PDSS2: variants seen among roughly 807,000 people sequenced by gnomAD.
PDSS2 encodes the protein all trans-polyprenyl-diphosphate synthase PDSS2.
Under a neutral mutation model 44.5 loss-of-function variants are expected in PDSS2, and 31 were observed. The ratio of observed to expected loss-of-function variants is 0.70; its 90% confidence interval spans 0.52 to 0.94. The LOEUF (loss-of-function observed/expected upper bound fraction) is 0.94. PDSS2 is among the 40% of genes least tolerant of loss of function. The probability of loss-of-function intolerance (pLI) is 0.00; values close to 1 mark genes in which losing one functional copy is unlikely to be tolerated. For synonymous variants in PDSS2, 157 were observed against 180.3 expected, an observed-to-expected ratio of 0.87 and a Z score of 1.03; for missense variants, 452 against 482.2, an observed-to-expected ratio of 0.94 and a Z score of 0.59.
chr6:107,326,828 G>C (rs1777562148), intron 2 of PDSS2, among the ~76,000 whole-genome samples: 1 of 151,522 alleles, frequency 6.6e-6, no homozygotes, highest in Admixed American at 6.6e-5. Context: ...CTACATTCTG[G>C]GTGACAGAGC....
At chr6:107,168,245 C>T (rs1408979106) in intron 7 of PDSS2, among the ~76,000 whole-genome samples, 1 of 152,078 alleles carries the variant, frequency 6.6e-6, no homozygotes, top group African/African-American at 2.4e-5. Flanking sequence ...CCTTCTTTGT[C>T]TCTTTTGATC....
intron 6 of PDSS2, among the ~76,000 whole-genome samples, chr6:107,208,584 A>G (rs1359097287): frequency 2.7e-5 from 4 of 147,552 alleles, no homozygotes; most frequent in African/African-American, 1.0e-4. Context: ...GATTACAGAC[A>G]TGAGCCACCA....
intron 1 of PDSS2, among the ~76,000 whole-genome samples, chr6:107,376,917 C>T (rs1229623125): frequency 6.6e-6 from 1 of 151,920 alleles, no homozygotes; most frequent in Admixed American, 6.6e-5. Flanking sequence ...AAATGTTAGA[C>T]CTAAAGCCAT....
intron 1 of PDSS2, among the ~76,000 whole-genome samples, chr6:107,389,832 C>CA (rs149550810): frequency 0.14 from 20,649 of 151,466 alleles, 1,570 homozygotes; most frequent in East Asian, 0.25. Flanking sequence ...AACAAACAAA[C>CA]AAAAAAAACC....
intron 2 of PDSS2, among the ~76,000 whole-genome samples, chr6:107,304,967 T>C (rs988599428): frequency 4.6e-5 from 7 of 151,268 alleles, no homozygotes; most frequent in Non-Finnish European, 1.0e-4. Flanking sequence ...GCTCCTCCAG[T>C]CCCCTCTTTA....
At chr6:107,304,897 C>A (rs1219915421) in intron 2 of PDSS2, among the ~76,000 whole-genome samples, 3 of 151,670 alleles carry the variant, frequency 2.0e-5, no homozygotes, top group Non-Finnish European at 4.4e-5. Context: ...GGGCTTGGCA[C>A]AGACCACAGA....
chr6:107,403,129 G>A (rs769081783), intron 1 of PDSS2, among the ~76,000 whole-genome samples: 1 of 152,184 alleles, frequency 6.6e-6, no homozygotes, highest in Non-Finnish European at 1.5e-5. Flanking sequence ...GACACAATGG[G>A]AGTACAGGCA....
At chr6:107,439,494 A>T (rs1419268322) in intron 1 of PDSS2, among the ~76,000 whole-genome samples, 2 of 152,074 alleles carry the variant, frequency 1.3e-5, no homozygotes, top group African/African-American at 4.8e-5. Flanking sequence ...CTCAAACTAC[A>T]CCTATGGCTT....
intron 6 of PDSS2, among the ~76,000 whole-genome samples, chr6:107,202,658 C>A (rs1051422332): frequency 1.3e-4 from 20 of 152,094 alleles, no homozygotes; most frequent in Admixed American, 1.3e-3. Flanking sequence ...AAGGCATGTG[C>A]AAGGAAGTTA....
At chr6:107,167,437 A>G (rs1439073875) in intron 7 of PDSS2, among the ~76,000 whole-genome samples, 42 of 151,924 alleles carry the variant, frequency 2.8e-4, no homozygotes, top group Admixed American at 2.8e-3. Context: ...TAGCTCCTGG[A>G]TTCATTGATT....
chr6:107,314,229 A>C (rs966764596), intron 2 of PDSS2, among the ~76,000 whole-genome samples: 1 of 152,148 alleles, frequency 6.6e-6, no homozygotes, highest in Non-Finnish European at 1.5e-5. Flanking sequence ...ACACACACAC[A>C]CACACATCTT....
intron 1 of PDSS2, among the ~76,000 whole-genome samples, chr6:107,426,701 C>T (rs965099523): frequency 8.5e-5 from 13 of 152,154 alleles, no homozygotes; most frequent in African/African-American, 2.2e-4. Context: ...TTTGCATCAG[C>T]GTGACCTGAA....
At chr6:107,244,405 AC>A (rs1273703434) in intron 4 of PDSS2, among the ~76,000 whole-genome samples, 1 of 152,188 alleles carries the variant, frequency 6.6e-6, no homozygotes, top group Non-Finnish European at 1.5e-5. Context: ...TACAAGTGGA[AC>A]TAGACCAGTA....
At chr6:107,435,915 T>C (rs1164252653) in intron 1 of PDSS2, among the ~76,000 whole-genome samples, 4 of 151,376 alleles carry the variant, frequency 2.6e-5, no homozygotes, top group Non-Finnish European at 1.5e-5. Flanking sequence ...TTTAAAACAT[T>C]TGTTGAAACG....
At chr6:107,223,471 G>A (rs1286987254) in intron 4 of PDSS2, among the ~76,000 whole-genome samples, 1 of 151,020 alleles carries the variant, frequency 6.6e-6, no homozygotes, top group Non-Finnish European at 1.5e-5. Context: ...GGAGGTGGAG[G>A]TTGCAGTGAG....
intron 7 of PDSS2, among the ~76,000 whole-genome samples, chr6:107,190,739 G>A (rs1206022237): frequency 2.6e-5 from 4 of 152,166 alleles, no homozygotes; most frequent in African/African-American, 7.2e-5. Flanking sequence ...GAGTGAAGGC[G>A]CAGAGAACAG....
chr6:107,438,977 G>A (rs1285695207), intron 1 of PDSS2, among the ~76,000 whole-genome samples: 2 of 152,192 alleles, frequency 1.3e-5, no homozygotes, highest in African/African-American at 2.4e-5. Context: ...ATTATGGTAA[G>A]AGGTATGAAG....
At chr6:107,181,209 A>G (rs1771963088) in intron 7 of PDSS2, among the ~76,000 whole-genome samples, 1 of 152,232 alleles carries the variant, frequency 6.6e-6, no homozygotes, top group African/African-American at 2.4e-5. Context: ...AAAATAAAAG[A>G]GATTTATAAC....
intron 3 of PDSS2, among the ~76,000 whole-genome samples, chr6:107,261,437 C>G (rs935195602): frequency 2.0e-5 from 3 of 152,172 alleles, no homozygotes. Context: ...TTGCCTTCTG[C>G]CATGATTGTA....
Sources: allele counts gnomAD v4.1 joint callset (sites outside exome capture counted in the v4.1 genomes callset), GRCh38; gene constraint gnomAD v4.1.1; transcripts MANE v1.5; gene names NCBI Gene and HGNC (gene_info 2026-07-23, HGNC 2026-07-21).